Variants in PTPRN2 observed in about 807,000 individuals in gnomAD.
PTPRN2 encodes receptor-type tyrosine-protein phosphatase N2.
A neutral mutation model predicts 118.8 loss-of-function variants in PTPRN2; 74 were observed. The observed-to-expected ratio is 0.62, with a 90% confidence interval of 0.52 to 0.76. The LOEUF (loss-of-function observed/expected upper bound fraction) is 0.76, where lower values mean the gene tolerates loss of function less well. Among genes scored for constraint, PTPRN2 ranks in the 30% least tolerant of loss-of-function variants. The pLI, the probability that PTPRN2 is intolerant of heterozygous loss-of-function variation, is 0.00. For missense variants in PTPRN2, 1,481 were observed against 1,394.4 expected, an observed-to-expected ratio of 1.06 and a Z score of -0.99; for synonymous variants, 641 against 608.0, an observed-to-expected ratio of 1.05 and a Z score of -0.80.
intron 2 of PTPRN2, among the ~76,000 whole-genome samples, chr7:158,430,379 C>G: frequency 6.6e-6 from 1 of 152,222 alleles, no homozygotes; most frequent in Non-Finnish European, 1.5e-5. Context: ...GAAGTCGGTA[C>G]CACTTGTGGG....
At chr7:158,251,370 C>A (rs1033192665) in intron 3 of PTPRN2, among the ~76,000 whole-genome samples, 2 of 151,698 alleles carry the variant, frequency 1.3e-5, no homozygotes, top group Admixed American at 6.6e-5. Context: ...GCATGTGGGG[C>A]GTGTGCAGGT....
intron 17 of PTPRN2, among the ~76,000 whole-genome samples, chr7:157,593,709 A>G (rs2150560725): frequency 6.6e-6 from 1 of 152,310 alleles, no homozygotes; most frequent in African/African-American, 2.4e-5. Flanking sequence ...TCAGGAAGGC[A>G]GGTGTGTGCC....
Position 157,629,564 on chromosome 7 carries a change from A to AGTG in PTPRN2, c.2197-8058_2197-8056dup, listed in dbSNP as rs1452158822. On this transcript the variant is annotated intron_variant, in intron 14 of 22. Transcript: ENST00000389418. The surrounding 1 kb of genome is among the most constrained non-coding windows in gnomAD (Gnocchi z 4.4). ...CAATCAAACCACTCGTGCAGTGGAA[A>AGTG]GTGAGTCCCCACGGATGACTGGAGG... 6.6e-6 allele frequency among the ~76,000 whole-genome samples: 1 copy of AGTG among 152,122 alleles called. No homozygotes were observed. Among genetic ancestry groups the AGTG allele is most frequent in the Non-Finnish European group, 1.5e-5 (1 of 68,022 alleles).
At chr7:158,248,165 C>G (rs117544156) in intron 3 of PTPRN2, among the ~76,000 whole-genome samples, 1 of 152,178 alleles carries the variant, frequency 6.6e-6, no homozygotes, top group Non-Finnish European at 1.5e-5. Flanking sequence ...TAAGGCCAGG[C>G]GGGTCATGCT....
intron 9 of PTPRN2, among the ~76,000 whole-genome samples, chr7:158,111,589 A>G (rs1030906302): frequency 3.9e-5 from 6 of 152,348 alleles, no homozygotes; most frequent in African/African-American, 1.4e-4. Context: ...GTATTAAGTT[A>G]CAATATTATG....
intron 1 of PTPRN2, among the ~76,000 whole-genome samples, chr7:158,551,493 G>T (rs947378642): frequency 6.9e-6 from 1 of 145,662 alleles, no homozygotes; most frequent in African/African-American, 2.6e-5. Flanking sequence ...CATGCATTTG[G>T]GGGGCCCCAG....
chr7:158,138,317 G>T lies in PTPRN2; in HGVS notation c.1109C>A (p.Thr370Asn). 2 of 1,613,306 alleles carry T rather than the reference G, an allele frequency of 1.2e-6. No individual in the cohort carries two copies. Among genetic ancestry groups the T allele is most frequent in the East Asian group, 2.2e-5 (1 of 44,860 alleles). The change falls in exon 7 of 23, where the codon ACC (threonine) becomes AAC (asparagine). Residue 370 changes from threonine to asparagine, a missense_variant. Transcript: ENST00000389418. ...ACCTGGAAAGCTGTCTCCACGGAGG[G>T]TGGCCTTGGGGCCATCCGCCTGTTC... ...SGEQADGPKA[T>N]LRGDSFPDDG...
At chr7:158,182,684 T>C (rs1490815289) in intron 5 of PTPRN2, among the ~76,000 whole-genome samples, 1 of 152,242 alleles carries the variant, frequency 6.6e-6, no homozygotes, top group African/African-American at 2.4e-5. Flanking sequence ...TAGTATTCCA[T>C]GGTGTATATG....
chr7:158,110,795 GA>G (rs1410541738), intron 10 of PTPRN2, 33 bp downstream of exon 10: 1 of 1,543,960 alleles, frequency 6.5e-7, no homozygotes, highest in Non-Finnish European at 8.8e-7. Context: ...CAAGCAACAG[GA>G]GCCAAACAGA....
intron 11 of PTPRN2, among the ~76,000 whole-genome samples, chr7:157,962,842 C>A (rs562665931): frequency 6.6e-6 from 1 of 152,326 alleles, no homozygotes; most frequent in African/African-American, 2.4e-5. Context: ...AGGGTCATAT[C>A]AACCCACAGA....
rs1250281275 is a variant in PTPRN2, at chr7:158,440,656, GTGGTAGTGA to G, written c.163+49070_163+49078del. On this transcript the variant is annotated intron_variant, in intron 2 of 22. Coordinates refer to ENST00000389418, the MANE Select transcript of PTPRN2 (RefSeq NM_002847.5). ...GGTGATGATGGTGGCAGTAGTGATG[GTGGTAGTGA>G]TAGTGACAGGGTGGTGGTGGTGGTG... 7.8e-4 allele frequency among the ~76,000 whole-genome samples: 87 copies of G among 111,136 alleles called. 1 individual carries two copies. The highest frequency in any genetic ancestry group is 2.5e-3 in the African/African-American group (70 of 27,744). 72.9% of individuals were successfully genotyped at this position (111,136 alleles called of 152,430 possible). A position where few individuals can be genotyped will look rare whatever the true frequency, so the allele number is the denominator to read the frequency against.
chr7:158,384,712 G>A (rs1811201664), intron 2 of PTPRN2, among the ~76,000 whole-genome samples: 1 of 152,182 alleles, frequency 6.6e-6, no homozygotes. Context: ...ACACCCATCT[G>A]TGTGTTTAAA....
intron 4 of PTPRN2, among the ~76,000 whole-genome samples, chr7:158,204,597 T>C (rs1826971727): frequency 6.6e-6 from 1 of 152,198 alleles, no homozygotes; most frequent in Admixed American, 6.5e-5. Context: ...GCCAGCTTTC[T>C]TACTGTGGTT....
At chr7:158,073,972 C>T (rs1489881665) in intron 11 of PTPRN2, among the ~76,000 whole-genome samples, 1 of 152,196 alleles carries the variant, frequency 6.6e-6, no homozygotes, top group Non-Finnish European at 1.5e-5. Flanking sequence ...CAGCACAGCT[C>T]ATCTCCAGTG....
chr7:158,347,651 G>T (rs1251852148), intron 2 of PTPRN2, among the ~76,000 whole-genome samples: 1 of 152,186 alleles, frequency 6.6e-6, no homozygotes, highest in Non-Finnish European at 1.5e-5. Flanking sequence ...AATGCCATTG[G>T]AATTTTGATA....
chr7:157,786,086 C>T lies in PTPRN2; in HGVS notation c.1789-103149G>A, dbSNP rs141812453. On this transcript the variant is annotated intron_variant, in intron 12 of 22. Coordinates refer to ENST00000389418, the MANE Select transcript of PTPRN2 (RefSeq NM_002847.5). ...GAGCGTTAGCCGCACTCCGAGTGCGCGCCAAGGGCTTCAGCTGGCTGAGCG... is the reference window on the plus strand; with the variant it reads ...GAGCGTTAGCCGCACTCCGAGTGCGTGCCAAGGGCTTCAGCTGGCTGAGCG... 4.7e-3 allele frequency among the ~76,000 whole-genome samples: 719 copies of T among 152,284 alleles called. 6 individuals are homozygous for T. Among genetic ancestry groups the T allele is most frequent in the African/African-American group, 0.016 (681 of 41,556 alleles).
Position 158,525,110 on chromosome 7 carries a change from C to T in PTPRN2, c.113-35325G>A, listed in dbSNP as rs1021730703. ...TGAACCCTCAAGCTGGCCCTCCATG[C>T]GAAGAAATGCTGCGTCCCAGGCCCT... On this transcript the variant is annotated intron_variant, in intron 1 of 22. Transcript: ENST00000389418. The surrounding 1 kb of genome is among the most constrained non-coding windows in gnomAD (Gnocchi z 4.1). Among the ~76,000 whole-genome samples, 1 of 152,152 alleles carries T rather than the reference C, an allele frequency of 6.6e-6. No individual in the cohort carries two copies. The highest frequency in any genetic ancestry group is 2.4e-5 in the African/African-American group (1 of 41,434).
chr7:158,373,214 G>A (rs776175734), intron 2 of PTPRN2, among the ~76,000 whole-genome samples: 15 of 152,318 alleles, frequency 9.8e-5, no homozygotes, highest in South Asian at 2.1e-4. Flanking sequence ...CGTACGCTGC[G>A]GAATCGCATT....
chr7:158,120,202 A>G (rs1817045835), intron 9 of PTPRN2, among the ~76,000 whole-genome samples: 1 of 152,158 alleles, frequency 6.6e-6, no homozygotes, highest in Non-Finnish European at 1.5e-5. Flanking sequence ...GGGGTAGGGT[A>G]GTGTTTAATG....
Sources: gnomAD v4.1 joint callset for allele counts (sites outside exome capture counted in the v4.1 genomes callset) on GRCh38, gnomAD v4.1.1 for gene constraint, Gnocchi (gnomAD v3.1) non-coding constraint, MANE v1.5 for transcripts, NCBI Gene and HGNC (gene_info 2026-07-23, HGNC 2026-07-21) for gene names.